Variants in MAN2A1 observed in about 807,000 individuals in gnomAD.
The protein encoded by MAN2A1 is alpha-mannosidase 2.
A neutral mutation model predicts 142.6 loss-of-function variants in MAN2A1; 76 were observed. The observed-to-expected ratio is 0.53, with a 90% CI of 0.44 to 0.65. The LOEUF is 0.65. Among genes scored for constraint, MAN2A1 ranks in the 30% least tolerant of loss-of-function variants. The probability of loss-of-function intolerance (pLI) is 0.00; values close to 1 mark genes in which losing one functional copy is unlikely to be tolerated. For synonymous variants in MAN2A1, 559 were observed against 473.2 expected (o/e 1.18, Z -2.35); for missense variants, 1,311 against 1,365.1 (o/e 0.96, Z 0.62).
chr5:109,730,227 T>C (rs1751865803), intron 4 of MAN2A1, among the ~76,000 whole-genome samples: 1 of 152,188 alleles, frequency 6.6e-6, no homozygotes. Flanking sequence ...TAATTTTAAT[T>C]TTAATTTTTG....
chr5:109,781,901 A>G (rs569242409), intron 9 of MAN2A1, among the ~76,000 whole-genome samples: 7 of 152,310 alleles, frequency 4.6e-5, no homozygotes, highest in Non-Finnish European at 8.8e-5. Flanking sequence ...TTTGCACACC[A>G]TATTAATATT....
At chr5:109,832,886 C>T (rs1224566399) in intron 16 of MAN2A1, among the ~76,000 whole-genome samples, 5 of 147,318 alleles carry the variant, frequency 3.4e-5, no homozygotes, top group South Asian at 2.1e-4. Flanking sequence ...GGGCGGCTGC[C>T]GGGCGGAGGG....
chr5:109,734,738 G>A (rs986074597), intron 4 of MAN2A1, among the ~76,000 whole-genome samples: 1 of 152,166 alleles, frequency 6.6e-6, no homozygotes, highest in African/African-American at 2.4e-5. Context: ...CTGAGAGACA[G>A]TTTGTTATAA....
At chr5:109,742,474 G>A (rs1752296553) in intron 4 of MAN2A1, among the ~76,000 whole-genome samples, 1 of 152,140 alleles carries the variant, frequency 6.6e-6, no homozygotes, top group African/African-American at 2.4e-5. Context: ...TTATATTTAA[G>A]TGAACCTTCC....
chr5:109,793,025 A>G (rs185104124), intron 12 of MAN2A1, among the ~76,000 whole-genome samples: 5 of 152,232 alleles, frequency 3.3e-5, no homozygotes, highest in Admixed American at 2.0e-4. Flanking sequence ...AGGTTAGCCA[A>G]GATTCAAGGG....
intron 1 of MAN2A1, among the ~76,000 whole-genome samples, chr5:109,705,451 T>C (rs1439630705): frequency 1.3e-5 from 2 of 152,050 alleles, no homozygotes; most frequent in Non-Finnish European, 2.9e-5. Flanking sequence ...TGGAAGACAG[T>C]TTATGAGGTT....
Position 109,770,377 on chromosome 5 carries a change from T to G in MAN2A1, c.1032T>G (p.Ile344Met). 6.2e-7 allele frequency: 1 copy of G among 1,613,844 alleles called. No homozygotes were observed. The highest frequency in any genetic ancestry group is 8.5e-7 in the Non-Finnish European group (1 of 1,179,810). Residue 344 changes from isoleucine to methionine, a missense_variant, in exon 7 of 22, where the codon ATT becomes ATG. Coordinates refer to ENST00000261483, the MANE Select transcript of MAN2A1 (RefSeq NM_002372.4). ...TAGATCTGGGATCTGTCACAGATAT[T>G]TTATGCCACATGATGCCCTTCTACA... is the stretch of plus-strand genomic sequence containing the variant. Reference protein sequence around the residue: ...QNWDLGSVTDILCHMMPFYSY... With the variant: ...QNWDLGSVTDMLCHMMPFYSY...
At chr5:109,817,570 A>C (rs1180671339) in intron 13 of MAN2A1, 132 bp downstream of exon 13, 1 of 809,782 alleles carries the variant, frequency 1.2e-6, no homozygotes, top group African/African-American at 1.7e-5. Context: ...TGTAAATACC[A>C]GAGAGTTTAA....
At chr5:109,765,568 T>A (rs983876967) in intron 5 of MAN2A1, among the ~76,000 whole-genome samples, 8 of 152,142 alleles carry the variant, frequency 5.3e-5, no homozygotes, top group African/African-American at 1.9e-4. Context: ...CTAATTAATA[T>A]GTGGGAGATA....
chr5:109,815,467 A>G (rs981580261), intron 12 of MAN2A1, among the ~76,000 whole-genome samples: 1 of 152,220 alleles, frequency 6.6e-6, no homozygotes, highest in Admixed American at 6.5e-5. Context: ...ATCTCAGTGA[A>G]CATAAGTAAT....
chr5:109,848,613 C>T (rs1480934847), intron 19 of MAN2A1, among the ~76,000 whole-genome samples: 1 of 152,146 alleles, frequency 6.6e-6, no homozygotes, highest in Non-Finnish European at 1.5e-5. Flanking sequence ...TACAGTCCAT[C>T]ATCCTAGGCA....
intron 16 of MAN2A1, among the ~76,000 whole-genome samples, chr5:109,837,295 T>G (rs1226646532): frequency 6.6e-6 from 1 of 150,904 alleles, no homozygotes; most frequent in African/African-American, 2.4e-5. Flanking sequence ...TTTTAAAGAG[T>G]TTTTGGGGTC....
At chr5:109,835,223 TG>T (rs1755026861) in intron 16 of MAN2A1, among the ~76,000 whole-genome samples, 1 of 152,184 alleles carries the variant, frequency 6.6e-6, no homozygotes. Context: ...CAAAACAAAA[TG>T]TTTCCCATAT....
intron 16 of MAN2A1, among the ~76,000 whole-genome samples, chr5:109,834,421 A>G (rs1381745497): frequency 8.0e-6 from 1 of 124,884 alleles, no homozygotes; most frequent in Non-Finnish European, 1.6e-5. Flanking sequence ...TTGTTTCATA[A>G]CATTAGTACT....
chr5:109,824,262 G>A (rs1438486128), intron 16 of MAN2A1, among the ~76,000 whole-genome samples: 1 of 152,170 alleles, frequency 6.6e-6, no homozygotes, highest in Non-Finnish European at 1.5e-5. Context: ...AATGTTCTAA[G>A]CTGGTTCTAT....
At position 109,696,766 on chromosome 5, in the gene MAN2A1, G is replaced by A. The variant is rs188142437; in HGVS notation, c.135+6214G>A. ...GGCTGTGGCCTCTTCTTTATACCCA[G>A]TACATGTCGTTAGCACTTCTGTGTT... On this transcript the variant is annotated intron_variant, in intron 1 of 21. Coordinates refer to ENST00000261483, the MANE Select transcript of MAN2A1 (RefSeq NM_002372.4). Among the ~76,000 whole-genome samples the A allele has an allele frequency of 1.6e-4, 25 of 152,286 alleles. 1 individual carries two copies. Among genetic ancestry groups the A allele is most frequent in the Admixed American group, 7.8e-4 (12 of 15,304 alleles).
chr5:109,739,722 T>A lies in MAN2A1; in HGVS notation c.707+10209T>A, dbSNP rs115479013. On this transcript the variant is annotated intron_variant, in intron 4 of 21. Coordinates refer to ENST00000261483, the MANE Select transcript of MAN2A1 (RefSeq NM_002372.4). ...CCCTTTCTTTTCTAACCATATACTTTCAGTTTCCTTGCTGTGGGTACTAGT... is the reference window on the plus strand; with the variant it reads ...CCCTTTCTTTTCTAACCATATACTTACAGTTTCCTTGCTGTGGGTACTAGT... Among the ~76,000 whole-genome samples the A allele has an allele frequency of 4.1e-3, 623 of 152,316 alleles. 6 individuals are homozygous for A. The highest frequency in any genetic ancestry group is 0.012 in the African/African-American group (512 of 41,572).
chr5:109,719,379 A>T (rs114632825), intron 3 of MAN2A1, among the ~76,000 whole-genome samples: 2,125 of 152,356 alleles, frequency 0.014, 39 homozygotes, highest in African/African-American at 0.048. Context: ...ACTTAACAAA[A>T]GTAAAATATT....
chr5:109,789,229 C>T (rs999966597), intron 11 of MAN2A1, among the ~76,000 whole-genome samples, 181 bp downstream of exon 11: 2 of 151,696 alleles, frequency 1.3e-5, no homozygotes, highest in Non-Finnish European at 3.0e-5. Context: ...ATAAATATTT[C>T]AAAGTATGTG....
Sources: allele counts gnomAD v4.1 joint callset (sites outside exome capture counted in the v4.1 genomes callset), GRCh38; gene constraint gnomAD v4.1.1; transcripts MANE v1.5; gene names NCBI Gene and HGNC (gene_info 2026-07-23, HGNC 2026-07-21).